CAMK2D: variants seen among roughly 807,000 people sequenced by gnomAD.
CAMK2D encodes the protein calcium/calmodulin dependent protein kinase II delta.
Under a neutral mutation model 84.0 loss-of-function variants are expected in CAMK2D, and 37 were observed. The ratio of observed to expected loss-of-function variants is 0.44; its 90% CI spans 0.34 to 0.58. The LOEUF (loss-of-function observed/expected upper bound fraction) is 0.58, where lower values mean the gene tolerates loss of function less well. Ranked by LOEUF, CAMK2D falls within the 20% of genes least tolerant of loss-of-function variation. CAMK2D has a pLI of 0.02. For synonymous variants in CAMK2D, 202 were observed against 212.5 expected (o/e 0.95, Z 0.43); for missense variants, 448 against 652.5 (o/e 0.69, Z 3.41).
intron 16 of CAMK2D, among the ~76,000 whole-genome samples, chr4:113,477,192 A>G (rs1318279960): frequency 6.6e-6 from 1 of 152,202 alleles, no homozygotes; most frequent in Non-Finnish European, 1.5e-5. Context: ...TAACTCTTCC[A>G]ATGTCGTCAT....
At chr4:113,628,698 A>T (rs2099077469) in intron 3 of CAMK2D, among the ~76,000 whole-genome samples, 1 of 152,162 alleles carries the variant, frequency 6.6e-6, no homozygotes, top group Admixed American at 6.6e-5. Flanking sequence ...GTATTATGTA[A>T]TGAAAAATGA....
intron 6 of CAMK2D, 122 bp from the exon 7 acceptor site, chr4:113,537,565 G>A: frequency 3.2e-6 from 2 of 631,734 alleles, no homozygotes; most frequent in Admixed American, 5.5e-5. Context: ...CTTTCCTGGA[G>A]ACTGCCATTC....
At chr4:113,464,729 G>A (rs2154111391) in intron 17 of CAMK2D, among the ~76,000 whole-genome samples, 2 of 152,306 alleles carry the variant, frequency 1.3e-5, no homozygotes, top group South Asian at 4.1e-4. Flanking sequence ...ATATAAAAGA[G>A]ATGCAGATAA....
rs182917544 is a variant in CAMK2D, at chr4:113,537,348, C to T, written c.510G>A (p.Ala170=). Residue 170 remains alanine, a synonymous_variant, in exon 7 of 21, where the codon GCG becomes GCA. Coordinates refer to ENST00000511664, the MANE Select transcript of CAMK2D (RefSeq NM_001321571.2). ...GGAGGGGGCCCTACTCACCAAACCA[C>T]GCCTGCTGGTCCCCTTGAACTTCTA... ...LAIEVQGDQQ[A]WFGFAGTPGY... is the part of the protein sequence containing the mutation. 2.0e-5 allele frequency: 32 copies of T among 1,595,372 alleles called. No individual in the cohort carries two copies. Among genetic ancestry groups the T allele is most frequent in the South Asian group, 4.4e-5 (4 of 90,642 alleles).
At chr4:113,553,831 TA>T (rs1159694860) in intron 4 of CAMK2D, among the ~76,000 whole-genome samples, 1 of 152,174 alleles carries the variant, frequency 6.6e-6, no homozygotes, top group Non-Finnish European at 1.5e-5. Flanking sequence ...GTACCTTACA[TA>T]AATTACAATG....
At chr4:113,574,647 C>T (rs2098771590) in intron 4 of CAMK2D, among the ~76,000 whole-genome samples, 2 of 152,184 alleles carry the variant, frequency 1.3e-5, no homozygotes, top group Non-Finnish European at 2.9e-5. Flanking sequence ...CATATGTCTA[C>T]ATTATAAGGA....
chr4:113,492,447 C>T (rs974285657), intron 16 of CAMK2D, among the ~76,000 whole-genome samples: 97 of 152,198 alleles, frequency 6.4e-4, no homozygotes, highest in Non-Finnish European at 7.5e-4. Flanking sequence ...TGTAGTTGAG[C>T]GGTTTTGAGT....
At chr4:113,479,296 C>CT (rs974131757) in intron 16 of CAMK2D, among the ~76,000 whole-genome samples, 3 of 152,234 alleles carry the variant, frequency 2.0e-5, no homozygotes, top group African/African-American at 7.2e-5. Flanking sequence ...ACATATTTTT[C>CT]TTTTCCTCTC....
chr4:113,581,513 TA>T (rs777730996), intron 4 of CAMK2D, among the ~76,000 whole-genome samples: 3,311 of 34,314 alleles, frequency 0.096, 158 homozygotes, highest in African/African-American at 0.19. Flanking sequence ...AACTTTCTCA[TA>T]AAAAAAAAAA....
chr4:113,465,633 G>C, intron 16 of CAMK2D, 29 bp from the exon 17 acceptor site: 1 of 1,345,524 alleles, frequency 7.4e-7, no homozygotes, highest in South Asian at 1.2e-5. Context: ...AGTTGGGTAA[G>C]AATAAAAGAC....
At chr4:113,514,987 T>C in intron 10 of CAMK2D, 82 bp downstream of exon 10, 1 of 1,252,478 alleles carries the variant, frequency 8.0e-7, no homozygotes. Context: ...TTTGCAAAGC[T>C]ATTTTAAATC....
In CAMK2D at chr4:113,564,169, T is replaced by G. The variant is rs188065565; in HGVS notation, c.276-12073A>C. On this transcript the variant is annotated intron_variant, in intron 4 of 20. Transcript: ENST00000511664. Reference sequence around the variant, plus strand: ...ATACTTAAAGCTCAGTTTCAAGGTATCAGTGACCTCCTCCTTGGAAAGCTA... The same window carrying G: ...ATACTTAAAGCTCAGTTTCAAGGTAGCAGTGACCTCCTCCTTGGAAAGCTA... 3.4e-3 allele frequency among the ~76,000 whole-genome samples: 524 copies of G among 152,334 alleles called. 1 individual carries two copies. The highest frequency in any genetic ancestry group is 6.4e-3 in the Non-Finnish European group (435 of 68,032).
At chr4:113,475,261 A>G (rs752257735) in intron 16 of CAMK2D, among the ~76,000 whole-genome samples, 3 of 152,230 alleles carry the variant, frequency 2.0e-5, no homozygotes. Flanking sequence ...TCTTGGATCA[A>G]GAAGGCAGAA....
At chr4:113,593,280 A>C (rs1026987265) in intron 4 of CAMK2D, among the ~76,000 whole-genome samples, 1 of 152,112 alleles carries the variant, frequency 6.6e-6, no homozygotes, top group East Asian at 1.9e-4. Flanking sequence ...ACAAATTAAC[A>C]CTCTTCTTAG....
chr4:113,637,469 A>G (rs545640481), intron 3 of CAMK2D, among the ~76,000 whole-genome samples: 15 of 152,342 alleles, frequency 9.8e-5, no homozygotes, highest in Non-Finnish European at 2.1e-4. Context: ...AGAGGGAGTT[A>G]AAGTCCCATT....
chr4:113,722,135 A>G (rs975248750), intron 2 of CAMK2D, among the ~76,000 whole-genome samples: 2 of 151,884 alleles, frequency 1.3e-5, no homozygotes, highest in Non-Finnish European at 2.9e-5. Context: ...AGAGTATAGA[A>G]AAAGTTTTTT....
intron 3 of CAMK2D, among the ~76,000 whole-genome samples, chr4:113,614,599 C>A (rs2099014036): frequency 6.6e-6 from 1 of 152,158 alleles, no homozygotes; most frequent in South Asian, 2.1e-4. Context: ...CATTCTATTA[C>A]TAGCAGAGGT....
At chr4:113,508,344 G>A (rs368096931) in intron 13 of CAMK2D, 1 of 1,075,784 alleles carries the variant, frequency 9.3e-7, no homozygotes, top group Admixed American at 2.1e-5. Flanking sequence ...AAAGCATGGA[G>A]TATAGAATAA....
intron 19 of CAMK2D, 152 bp downstream of exon 19, chr4:113,457,183 T>A: frequency 6.9e-7 from 1 of 1,445,778 alleles, no homozygotes; most frequent in Non-Finnish European, 9.0e-7. Flanking sequence ...TTCCAGAGAA[T>A]CATAAACCTT....
Sources: allele counts gnomAD v4.1 joint callset (sites outside exome capture counted in the v4.1 genomes callset), GRCh38; gene constraint gnomAD v4.1.1; transcripts MANE v1.5; gene names NCBI Gene and HGNC (gene_info 2026-07-23, HGNC 2026-07-21).